Variants in DLGAP2 observed in about 807,000 individuals in gnomAD.
The protein encoded by DLGAP2 is DLG associated protein 2, also known as disks large-associated protein 2.
Under a neutral mutation model 100.3 loss-of-function variants are expected in DLGAP2, and 26 were observed. That is an observed-to-expected ratio of 0.26 (90% CI 0.19 to 0.36). The LOEUF (loss-of-function observed/expected upper bound fraction) is 0.36, where lower values mean the gene tolerates loss of function less well. Among genes scored for constraint, DLGAP2 ranks in the 10% least tolerant of loss-of-function variants. The pLI, the probability that DLGAP2 is intolerant of heterozygous loss-of-function variation, is 1.00. For missense variants in DLGAP2, 1,858 were observed against 1,453.2 expected (o/e 1.28, Z -4.53); for synonymous variants, 886 against 630.1 (o/e 1.41, Z -6.08).
intron 2 of DLGAP2, among the ~76,000 whole-genome samples, chr8:1,121,822 A>C (rs1796057153): frequency 6.6e-6 from 1 of 152,212 alleles, no homozygotes; most frequent in South Asian, 2.1e-4. Context: ...TTCCTTTAGA[A>C]TTCATGACAA....
chr8:1,486,261 C>T (rs184139697), intron 3 of DLGAP2, among the ~76,000 whole-genome samples: 33 of 152,276 alleles, frequency 2.2e-4, no homozygotes, highest in African/African-American at 7.2e-4. Context: ...GTCAAGCCTG[C>T]ATATTACGGC....
intron 2 of DLGAP2, among the ~76,000 whole-genome samples, chr8:1,225,884 C>T (rs1798403714): frequency 6.6e-6 from 1 of 152,130 alleles, no homozygotes; most frequent in African/African-American, 2.4e-5. Flanking sequence ...GTTGATTTAG[C>T]CATTCCGTAA....
intron 2 of DLGAP2, among the ~76,000 whole-genome samples, chr8:949,357 A>G (rs79715155): frequency 0.011 from 1,711 of 152,286 alleles, 31 homozygotes; most frequent in African/African-American, 0.039. Flanking sequence ...CACGCTGGAT[A>G]GTCCCAGCTG....
chr8:1,207,246 C>A (rs73540155), intron 2 of DLGAP2, among the ~76,000 whole-genome samples: 1 of 152,290 alleles, frequency 6.6e-6, no homozygotes, highest in African/African-American at 2.4e-5. Flanking sequence ...CATCCTTCCC[C>A]GAGTCCCCAA....
chr8:1,191,470 G>A (rs549369638), intron 2 of DLGAP2, among the ~76,000 whole-genome samples: 9 of 152,260 alleles, frequency 5.9e-5, no homozygotes, highest in Middle Eastern at 3.4e-3. Flanking sequence ...GCGCCCAGCC[G>A]ATACGTTTTA....
chr8:919,376 T>C (rs1214191629), intron 2 of DLGAP2, among the ~76,000 whole-genome samples: 1 of 152,152 alleles, frequency 6.6e-6, no homozygotes, highest in African/African-American at 2.4e-5. Flanking sequence ...TCTCAGTCTT[T>C]CTTGTTTGCC....
chr8:1,153,303 C>T (rs1352466865), intron 2 of DLGAP2, among the ~76,000 whole-genome samples: 1 of 152,182 alleles, frequency 6.6e-6, no homozygotes, highest in African/African-American at 2.4e-5. Context: ...CAGCTTTTGG[C>T]ACTGGCTATG....
chr8:772,603 A>G (rs930744925), intron 1 of DLGAP2, among the ~76,000 whole-genome samples: 29 of 152,214 alleles, frequency 1.9e-4, no homozygotes, highest in Non-Finnish European at 2.9e-4. Context: ...GACTACAGGC[A>G]TGAGCCACTG....
chr8:1,126,389 A>T (rs1796165390), intron 2 of DLGAP2, among the ~76,000 whole-genome samples: 2 of 152,056 alleles, frequency 1.3e-5, no homozygotes, highest in South Asian at 4.2e-4. Context: ...CAGGCAGATG[A>T]GGAGGGAGGC....
chr8:1,137,370 A>G (rs955249978), intron 2 of DLGAP2: 1 of 152,730 alleles, frequency 6.5e-6, no homozygotes. Flanking sequence ...AATTCAGTCC[A>G]TAGCACCCAC....
chr8:1,459,352 A>G (rs1443536960), intron 3 of DLGAP2, among the ~76,000 whole-genome samples: 1 of 152,266 alleles, frequency 6.6e-6, no homozygotes, highest in Non-Finnish European at 1.5e-5. Flanking sequence ...CATAGGCCCC[A>G]GGGGTCACCC....
At chr8:1,149,778 C>G (rs1188847690) in intron 2 of DLGAP2, among the ~76,000 whole-genome samples, 1 of 152,106 alleles carries the variant, frequency 6.6e-6, no homozygotes. Flanking sequence ...CTAGATTTAT[C>G]TTTTTTATTC....
At chr8:1,647,480 C>A (rs1297451810) in intron 8 of DLGAP2, among the ~76,000 whole-genome samples, 1 of 85,954 alleles carries the variant, frequency 1.2e-5, no homozygotes, top group African/African-American at 4.2e-5. Context: ...CAGAGAGAGA[C>A]TCTGTCTCAA....
intron 2 of DLGAP2, among the ~76,000 whole-genome samples, chr8:1,185,644 A>T (rs1797482586): frequency 6.6e-6 from 1 of 152,078 alleles, no homozygotes; most frequent in African/African-American, 2.4e-5. Context: ...ACAATTCCAA[A>T]AGCAGTAGAA....
chr8:1,284,396 T>G (rs1361531475), intron 3 of DLGAP2, among the ~76,000 whole-genome samples: 1 of 152,048 alleles, frequency 6.6e-6, no homozygotes, highest in Non-Finnish European at 1.5e-5. Flanking sequence ...GTAATTGAGG[T>G]GCAGCACGGA....
At chr8:774,166 A>G (rs1563424722) in intron 1 of DLGAP2, among the ~76,000 whole-genome samples, 1 of 152,072 alleles carries the variant, frequency 6.6e-6, no homozygotes, top group Non-Finnish European at 1.5e-5. Flanking sequence ...GTGTCTGTTC[A>G]TGTCCTTCAC....
intron 8 of DLGAP2, among the ~76,000 whole-genome samples, chr8:1,658,771 T>C (rs1002341527): frequency 6.6e-6 from 1 of 152,122 alleles, no homozygotes; most frequent in Non-Finnish European, 1.5e-5. Context: ...TCCATGTATT[T>C]TGTTGATCTT....
intron 1 of DLGAP2, chr8:893,158 G>T (rs980472390): frequency 6.6e-6 from 1 of 152,342 alleles, no homozygotes; most frequent in Non-Finnish European, 1.5e-5. Context: ...CTGCTGAGCC[G>T]CGTGCAACGT....
intron 3 of DLGAP2, among the ~76,000 whole-genome samples, chr8:1,266,069 C>G (rs1295366961): frequency 1.3e-5 from 2 of 152,190 alleles, no homozygotes; most frequent in African/African-American, 2.4e-5. Context: ...AGGGGACACC[C>G]TTGTCTGAGG....
Sources: gnomAD v4.1 joint callset for allele counts (sites outside exome capture counted in the v4.1 genomes callset) on GRCh38, gnomAD v4.1.1 for gene constraint, MANE v1.5 for transcripts, NCBI Gene and HGNC (gene_info 2026-07-23, HGNC 2026-07-21) for gene names.